Variants in BCKDHB observed in about 807,000 individuals in gnomAD.
BCKDHB encodes the protein branched chain keto acid dehydrogenase E1 subunit beta, also known as 2-oxoisovalerate dehydrogenase subunit beta, mitochondrial.
In BCKDHB, 41 loss-of-function variants were observed where a neutral mutation model predicts 48.5. The observed-to-expected ratio is 0.85, with a 90% CI of 0.66 to 1.10. BCKDHB has a LOEUF of 1.10. BCKDHB is among the 50% of genes least tolerant of loss of function. The probability of loss-of-function intolerance (pLI) is 0.00; values close to 1 mark genes in which losing one functional copy is unlikely to be tolerated. For synonymous variants in BCKDHB, 201 were observed against 174.8 expected, an observed-to-expected ratio of 1.15 and a Z score of -1.18; for missense variants, 496 against 494.2, an observed-to-expected ratio of 1.00 and a Z score of -0.03.
intron 8 of BCKDHB, among the ~76,000 whole-genome samples, chr6:80,216,054 A>T (rs950910499): frequency 5.3e-5 from 8 of 152,204 alleles, no homozygotes; most frequent in African/African-American, 1.9e-4. Flanking sequence ...TATCTTACAT[A>T]ATAGGACTTA....
chr6:80,378,378 C>T, the BCKDHB span, among the ~76,000 whole-genome samples: 9 of 152,098 alleles, frequency 5.9e-5, no homozygotes, highest in Non-Finnish European at 1.0e-4. Context: ...ATAATGGCCT[C>T]CAGCTCCATC....
At chr6:80,443,884 C>T in the BCKDHB span, among the ~76,000 whole-genome samples, 1 of 152,018 alleles carries the variant, frequency 6.6e-6, no homozygotes, top group Non-Finnish European at 1.5e-5. Flanking sequence ...CCCATATGTT[C>T]AGATATCTGA....
intron 8 of BCKDHB, among the ~76,000 whole-genome samples, chr6:80,266,992 C>T (rs1582470033): frequency 1.3e-5 from 2 of 151,986 alleles, no homozygotes; most frequent in East Asian, 3.9e-4. Context: ...CCACCACCAC[C>T]CCCCGCCCAT....
At chr6:80,328,845 A>G (rs1180806628) in intron 9 of BCKDHB, among the ~76,000 whole-genome samples, 2 of 152,214 alleles carry the variant, frequency 1.3e-5, no homozygotes, top group African/African-American at 4.8e-5. Context: ...CTGCCCCTAG[A>G]TAAAGCAGAT....
chr6:80,395,410 AG>A, the BCKDHB span, among the ~76,000 whole-genome samples: 2 of 152,208 alleles, frequency 1.3e-5, no homozygotes, highest in Non-Finnish European at 1.5e-5. Context: ...CAGATGGAGA[AG>A]GGAACTTGTT....
chr6:80,322,905 T>C (rs1176325492), intron 9 of BCKDHB, among the ~76,000 whole-genome samples: 2 of 150,010 alleles, frequency 1.3e-5, no homozygotes, highest in African/African-American at 2.4e-5. Context: ...TCTTTTTTTT[T>C]TTTTTTTTGC....
intron 3 of BCKDHB, among the ~76,000 whole-genome samples, chr6:80,142,259 A>G (rs1210026402): frequency 1.3e-5 from 2 of 152,110 alleles, no homozygotes; most frequent in Non-Finnish European, 2.9e-5. Flanking sequence ...AAATACAAAT[A>G]TATATTGAAA....
chr6:80,212,887 T>C (rs1239705587), intron 8 of BCKDHB, among the ~76,000 whole-genome samples: 7 of 152,212 alleles, frequency 4.6e-5, no homozygotes, highest in Admixed American at 3.3e-4. Flanking sequence ...CTTTTCCTTC[T>C]TTCCTCTTCT....
At chr6:80,460,493 T>TA in the BCKDHB span, among the ~76,000 whole-genome samples, 1 of 152,056 alleles carries the variant, frequency 6.6e-6, no homozygotes, top group Non-Finnish European at 1.5e-5. Flanking sequence ...CATCTCTGAG[T>TA]AAAGAATGCC....
the BCKDHB span, among the ~76,000 whole-genome samples, chr6:80,421,910 A>G: frequency 2.0e-5 from 3 of 152,220 alleles, no homozygotes; most frequent in Non-Finnish European, 4.4e-5. Flanking sequence ...CGTGACCATG[A>G]GGTAGAAAAG....
chr6:80,354,240 T>C, the BCKDHB span, among the ~76,000 whole-genome samples: 3 of 143,606 alleles, frequency 2.1e-5, no homozygotes, highest in South Asian at 6.2e-4. Context: ...TATTTATTTA[T>C]TTTTTTATAC....
At chr6:80,400,132 A>G in the BCKDHB span, among the ~76,000 whole-genome samples, 2 of 152,258 alleles carry the variant, frequency 1.3e-5, no homozygotes, top group Admixed American at 6.6e-5. Context: ...AAAACCCTGG[A>G]AGACAACATA....
chr6:80,199,148 G>A (rs1562129209), intron 6 of BCKDHB, among the ~76,000 whole-genome samples: 1 of 152,078 alleles, frequency 6.6e-6, no homozygotes, highest in Non-Finnish European at 1.5e-5. Context: ...GAACCTTAGC[G>A]GGGAAGAATG....
At chr6:80,127,709 T>C in intron 2 of BCKDHB, 85 bp downstream of exon 2, 1 of 1,191,578 alleles carries the variant, frequency 8.4e-7, no homozygotes, top group East Asian at 2.3e-5. Context: ...TGGAGCTCAA[T>C]GGTTAACATT....
chr6:80,282,067 T>C (rs918602554), intron 9 of BCKDHB, among the ~76,000 whole-genome samples: 1 of 152,174 alleles, frequency 6.6e-6, no homozygotes, highest in Non-Finnish European at 1.5e-5. Flanking sequence ...GAATATGTTG[T>C]AACACATGAC....
intron 8 of BCKDHB, among the ~76,000 whole-genome samples, chr6:80,237,065 A>G (rs529065176): frequency 6.6e-6 from 1 of 152,360 alleles, no homozygotes; most frequent in Admixed American, 6.5e-5. Context: ...AGAGAATTTT[A>G]TAAGGGAACT....
chr6:80,232,279 C>CA (rs991785675), intron 8 of BCKDHB, among the ~76,000 whole-genome samples: 6 of 146,158 alleles, frequency 4.1e-5, no homozygotes, highest in Admixed American at 2.7e-4. Context: ...TTCTTTAACC[C>CA]TTTTTTTTTT....
At chr6:80,301,966 CCCTCA>C (rs749482119) in intron 9 of BCKDHB, among the ~76,000 whole-genome samples, 181 of 152,142 alleles carry the variant, frequency 1.2e-3, no homozygotes, top group Non-Finnish European at 2.2e-3. Context: ...TTTATGATAA[CCCTCA>C]ATAGGCTAGG....
At chr6:80,451,686 A>G in the BCKDHB span, among the ~76,000 whole-genome samples, 1 of 151,646 alleles carries the variant, frequency 6.6e-6, no homozygotes, top group Non-Finnish European at 1.5e-5. Flanking sequence ...CGGAGATCAC[A>G]CCACTATACT....
Sources: allele counts gnomAD v4.1 joint callset (sites outside exome capture counted in the v4.1 genomes callset), GRCh38; gene constraint gnomAD v4.1.1; transcripts MANE v1.5; gene names NCBI Gene and HGNC (gene_info 2026-07-23, HGNC 2026-07-21).